CSMD1: variants seen among roughly 807,000 people sequenced by gnomAD.
CSMD1 encodes the protein CUB and Sushi multiple domains 1, also known as CUB and sushi domain-containing protein 1.
A neutral mutation model predicts 417.5 loss-of-function variants in CSMD1; 213 were observed. The observed-to-expected ratio is 0.51, with a 90% CI of 0.46 to 0.57. The LOEUF (loss-of-function observed/expected upper bound fraction) is 0.57, where lower values mean the gene tolerates loss of function less well. Ranked by LOEUF, CSMD1 falls within the 20% of genes least tolerant of loss-of-function variation. The pLI is 0.00. For synonymous variants in CSMD1, 2,862 were observed against 1,736.8 expected, an observed-to-expected ratio of 1.65 and a Z score of -16.11; for missense variants, 6,923 against 4,529.7, an observed-to-expected ratio of 1.53 and a Z score of -15.17.
intron 2 of CSMD1, among the ~76,000 whole-genome samples, chr8:4,501,234 G>C (rs970965094): frequency 1.3e-5 from 2 of 152,042 alleles, no homozygotes; most frequent in African/African-American, 4.8e-5. Context: ...TGCTGGGCCA[G>C]AGATAGAATT....
chr8:3,359,772 T>A (rs1237100130), intron 20 of CSMD1, among the ~76,000 whole-genome samples: 1 of 152,144 alleles, frequency 6.6e-6, no homozygotes, highest in African/African-American at 2.4e-5. Context: ...CACAAAGAAA[T>A]AATAAATATT....
At chr8:4,830,925 T>G (rs1381773407) in intron 1 of CSMD1, among the ~76,000 whole-genome samples, 1 of 152,138 alleles carries the variant, frequency 6.6e-6, no homozygotes, top group Non-Finnish European at 1.5e-5. Context: ...TGAACTTCCT[T>G]ATGTTACCCA....
intron 3 of CSMD1, among the ~76,000 whole-genome samples, chr8:4,294,289 G>C (rs1052149251): frequency 5.3e-5 from 8 of 152,102 alleles, no homozygotes; most frequent in African/African-American, 1.9e-4. Flanking sequence ...AAAGGCTTCG[G>C]TGCTTCATAT....
chr8:4,076,139 C>G (rs942734824), intron 3 of CSMD1, among the ~76,000 whole-genome samples: 3 of 152,244 alleles, frequency 2.0e-5, no homozygotes, highest in African/African-American at 2.4e-5. Flanking sequence ...TAGGAGGTAA[C>G]TGAATCATGC....
chr8:4,159,210 C>G (rs374226272), intron 3 of CSMD1, among the ~76,000 whole-genome samples: 2 of 152,238 alleles, frequency 1.3e-5, no homozygotes, highest in South Asian at 2.1e-4. Flanking sequence ...GCCACCGTGC[C>G]CAGCCCGTAA....
rs1448705884 is a variant in CSMD1, at chr8:4,445,641, G to T, written c.303-25576C>A. On this transcript the variant is annotated intron_variant, in intron 2 of 69. Coordinates refer to ENST00000635120, the MANE Select transcript of CSMD1 (RefSeq NM_033225.6). ...AACTGGGCCAGGCATGTGTTCCTAG[G>T]AAAGTAAGGTTATTGAAGCCACTAG... Among the ~76,000 whole-genome samples the T allele has an allele frequency of 3.9e-5, 6 of 152,152 alleles. No individual in the cohort carries two copies. In the East Asian group the frequency reaches 7.7e-4, roughly 20 times the overall value.
chr8:4,203,436 A>C (rs1031472709), intron 3 of CSMD1, among the ~76,000 whole-genome samples: 5 of 152,204 alleles, frequency 3.3e-5, no homozygotes. Flanking sequence ...CACAGCAGCC[A>C]GAAAAAAATC....
intron 10 of CSMD1, among the ~76,000 whole-genome samples, chr8:3,535,211 C>T (rs1798145325): frequency 1.3e-5 from 2 of 152,104 alleles, no homozygotes; most frequent in African/African-American, 2.4e-5. Flanking sequence ...GTTTCAGCCT[C>T]CCAAGCTCTA....
In CSMD1 at chr8:3,037,142, C is replaced by G. The variant is rs192044576; in HGVS notation, c.7661-7629G>C. ...CTCCAGCTCCATCCAAGTCCCTGCA[C>G]AAGACATTATTTCATTCCTTTTTAT... On this transcript the variant is annotated intron_variant, in intron 50 of 69. Coordinates refer to ENST00000635120, the MANE Select transcript of CSMD1 (RefSeq NM_033225.6). Among the ~76,000 whole-genome samples, 70 of 152,304 alleles carry G rather than the reference C, an allele frequency of 4.6e-4. 3 individuals are homozygous for G. In the South Asian group the frequency reaches 5.2e-3, roughly 11 times the overall value.
intron 37 of CSMD1, among the ~76,000 whole-genome samples, chr8:3,172,275 G>C (rs1366286879): frequency 2.0e-5 from 3 of 151,996 alleles, no homozygotes; most frequent in African/African-American, 7.3e-5. Flanking sequence ...TCACAAATGT[G>C]CTGGGTTCTT....
chr8:3,696,260 G>A (rs893325748), intron 7 of CSMD1, among the ~76,000 whole-genome samples: 4 of 152,178 alleles, frequency 2.6e-5, no homozygotes, highest in Admixed American at 6.5e-5. Context: ...TGCTCTTCCT[G>A]CAAGTATTCT....
At chr8:3,746,170 G>A (rs1797057930) in intron 6 of CSMD1, among the ~76,000 whole-genome samples, 1 of 152,216 alleles carries the variant, frequency 6.6e-6, no homozygotes, top group Non-Finnish European at 1.5e-5. Flanking sequence ...GCTCAGGGCT[G>A]ATACGCTGAA....
chr8:4,421,051 T>G (rs1416923661), intron 2 of CSMD1, among the ~76,000 whole-genome samples: 1 of 152,184 alleles, frequency 6.6e-6, no homozygotes, highest in Non-Finnish European at 1.5e-5. Context: ...TTAAAGAGAC[T>G]CATTTGTTCA....
chr8:4,217,532 A>G (rs73184150), intron 3 of CSMD1, among the ~76,000 whole-genome samples: 5,691 of 152,224 alleles, frequency 0.037, 148 homozygotes, highest in East Asian at 0.14. Context: ...GTGGTGGTGG[A>G]AGTGTCTTCT....
In CSMD1 at chr8:4,198,692, C is replaced by G. The variant is rs547743584; in HGVS notation, c.416-166593G>C. Among the ~76,000 whole-genome samples, 66 of 152,206 alleles carry G rather than the reference C, an allele frequency of 4.3e-4. 1 individual carries two copies. The South Asian group carries it at 0.013, about 30-fold the overall frequency. On this transcript the variant is annotated intron_variant, in intron 3 of 69. Transcript: ENST00000635120. ...GATGGGGCTGGTAAAACCCCAAGGA[C>G]TACATGGATACTAAGTGTATTTTAA...
chr8:4,237,612 G>T (rs1252948761), intron 3 of CSMD1, among the ~76,000 whole-genome samples: 1 of 151,314 alleles, frequency 6.6e-6, no homozygotes, highest in Non-Finnish European at 1.5e-5. Flanking sequence ...ACAACTTACT[G>T]CAGCCTCAAC....
intron 2 of CSMD1, among the ~76,000 whole-genome samples, chr8:4,462,861 CTT>C (rs1391603356): frequency 1.3e-5 from 2 of 152,046 alleles, no homozygotes; most frequent in African/African-American, 2.4e-5. Flanking sequence ...AGCTCAAACT[CTT>C]TGAAGAAAAT....
chr8:4,603,043 A>C (rs929134905), intron 2 of CSMD1, among the ~76,000 whole-genome samples: 19 of 152,026 alleles, frequency 1.2e-4, no homozygotes, highest in Admixed American at 6.5e-5. Context: ...GAAATTCTAA[A>C]AATGAACTAA....
intron 1 of CSMD1, among the ~76,000 whole-genome samples, chr8:4,642,684 C>T (rs1261429161): frequency 6.6e-6 from 1 of 152,202 alleles, no homozygotes; most frequent in Non-Finnish European, 1.5e-5. Context: ...TCTACTACCT[C>T]ATTTAATTCG....
Sources: gnomAD v4.1 joint callset for allele counts (sites outside exome capture counted in the v4.1 genomes callset) on GRCh38, gnomAD v4.1.1 for gene constraint, MANE v1.5 for transcripts, NCBI Gene and HGNC (gene_info 2026-07-23, HGNC 2026-07-21) for gene names.